The following USP32 variants were observed in gnomAD, a reference collection of about 807,000 sequenced individuals.
The protein encoded by USP32 is ubiquitin carboxyl-terminal hydrolase 32.
In USP32, 59 loss-of-function variants were observed where a neutral mutation model predicts 204.8. The ratio of observed to expected loss-of-function variants is 0.29; its 90% CI spans 0.23 to 0.36. The LOEUF is 0.36. USP32 is among the 10% of genes least tolerant of loss of function. The probability of loss-of-function intolerance (pLI) is 1.00; values close to 1 mark genes in which losing one functional copy is unlikely to be tolerated. For missense variants in USP32, 1,160 were observed against 1,946.4 expected (o/e 0.60, Z 7.60); for synonymous variants, 517 against 678.4 (o/e 0.76, Z 3.70).
intron 1 of USP32, among the ~76,000 whole-genome samples, chr17:60,407,614 C>A (rs2089986781): frequency 6.6e-6 from 1 of 151,954 alleles, no homozygotes; most frequent in East Asian, 1.9e-4. Context: ...TACAGACATT[C>A]AACAATGTGA....
chr17:60,279,036 G>A (rs1325430948), intron 5 of USP32, among the ~76,000 whole-genome samples: 3 of 152,296 alleles, frequency 2.0e-5, no homozygotes, highest in Non-Finnish European at 4.4e-5. Context: ...CAGAGGAGGA[G>A]AGGGAAGAAC....
Position 60,214,664 on chromosome 17 carries a change from G to C in USP32, c.1978C>G (p.Arg660Gly). Residue 660 changes from arginine to glycine, a missense_variant, in exon 17 of 34, where the codon CGC (arginine) becomes GGC (glycine). Around this residue, in one of 8 missense-constraint regions of USP32, gnomAD observed 132 missense variants for 432.8 expected, o/e 0.30. Coordinates refer to ENST00000300896, the MANE Select transcript of USP32 (RefSeq NM_032582.4). ...AGGCGCATATCTTCCTCTTTAATGC[G>C]CAGCCTTTGAGATAGATATTCGTGA... ...EIHEYLSQRL[R>G]IKEEDMRLWL... 1 of 1,613,668 alleles carries C rather than the reference G, an allele frequency of 6.2e-7. No individual in the cohort carries two copies. The highest frequency in any genetic ancestry group is 8.5e-7 in the Non-Finnish European group (1 of 1,179,710).
intron 1 of USP32, among the ~76,000 whole-genome samples, chr17:60,377,263 C>T (rs1400836711): frequency 6.6e-6 from 1 of 151,998 alleles, no homozygotes; most frequent in Non-Finnish European, 1.5e-5. Flanking sequence ...AGTTTGAGAC[C>T]AGCCTGGGCA....
chr17:60,410,397 G>A (rs1019143602), intron 1 of USP32, among the ~76,000 whole-genome samples: 7 of 151,346 alleles, frequency 4.6e-5, no homozygotes, highest in South Asian at 2.1e-4. Flanking sequence ...CGGTGGGCGC[G>A]GTGGCTCATG....
At chr17:60,363,105 C>T (rs1247253991) in intron 1 of USP32, among the ~76,000 whole-genome samples, 2 of 151,952 alleles carry the variant, frequency 1.3e-5, no homozygotes, top group Admixed American at 6.6e-5. Flanking sequence ...GCCTGGGCAA[C>T]ACAGTGAGAC....
rs571969720 is a variant in USP32, at chr17:60,422,178, C to T, written c.106+68G>A. The T allele has an allele frequency of 2.5e-5, 7 of 280,988 alleles. No homozygotes were observed. In the South Asian group the frequency reaches 2.6e-4, roughly 11 times the overall value. 17.4% of individuals were successfully genotyped at this position (280,988 alleles called of 1,614,324 possible). ...AAACTGTGCTTTCCTCTCGGGGAGC[C>T]CCCACCACGGCGTAACCCAGCAGGC... is the stretch of plus-strand genomic sequence containing the variant. On this transcript the variant is annotated intron_variant, in intron 1 of 3. Coordinates refer to the USP32 transcript ENST00000588898.
intron 1 of USP32, among the ~76,000 whole-genome samples, chr17:60,371,987 A>G (rs2089450931): frequency 6.6e-6 from 1 of 152,262 alleles, no homozygotes; most frequent in African/African-American, 2.4e-5. Flanking sequence ...GCATATGCTC[A>G]TAAGGTAAAC....
intron 11 of USP32, among the ~76,000 whole-genome samples, chr17:60,241,276 G>A (rs898061295): frequency 1.3e-5 from 2 of 152,102 alleles, no homozygotes; most frequent in African/African-American, 4.8e-5. Flanking sequence ...TGGGATTACA[G>A]GTGTGAGCCA....
At position 60,219,717 on chromosome 17, in the gene USP32, T is replaced by G; in HGVS notation, c.1820A>C (p.Gln607Pro). Reference sequence around the variant, plus strand: ...CTGCTGTGTCCGAGTGGCAGGCTGCTGTCTCAGGAAGAGAAGATAGCGGGG... The same window carrying G: ...CTGCTGTGTCCGAGTGGCAGGCTGCGGTCTCAGGAAGAGAAGATAGCGGGG... ...LFPRYLLFLR[Q>P]QPATRTQQSN... is the part of the protein sequence containing the mutation. The change falls in exon 16 of 34, where the codon CAG (glutamine) becomes CCG (proline). Residue 607 changes from glutamine to proline, a missense_variant. Transcript: ENST00000300896. The G allele has an allele frequency of 6.2e-7, 1 of 1,613,670 alleles. No homozygotes were observed. The highest frequency in any genetic ancestry group is 1.3e-5 in the African/African-American group (1 of 74,890).
At chr17:60,256,183 A>T (rs237964) in intron 9 of USP32, among the ~76,000 whole-genome samples, 19,280 of 151,950 alleles carry the variant, frequency 0.13, 2,547 homozygotes, top group African/African-American at 0.33. Flanking sequence ...TTGAAAAAAA[A>T]AATAATAAAA....
chr17:60,262,532 C>T (rs1308514189), intron 9 of USP32, among the ~76,000 whole-genome samples: 1 of 151,990 alleles, frequency 6.6e-6, no homozygotes, highest in Non-Finnish European at 1.5e-5. Context: ...TAAATGTGGC[C>T]CTGATTTTCA....
At chr17:60,398,012 A>C (rs965282738) in intron 1 of USP32, among the ~76,000 whole-genome samples, 1 of 150,886 alleles carries the variant, frequency 6.6e-6, no homozygotes, top group African/African-American at 2.5e-5. Flanking sequence ...AACATCTTTA[A>C]AAGTCCCAAT....
intron 2 of USP32, among the ~76,000 whole-genome samples, chr17:60,343,995 T>C (rs2088721723): frequency 6.6e-6 from 1 of 151,458 alleles, no homozygotes; most frequent in Non-Finnish European, 1.5e-5. Context: ...GACCATGCCA[T>C]TGCACTCCAG....
intron 1 of USP32, among the ~76,000 whole-genome samples, chr17:60,355,830 CAAAAAAAAAAAAAAAA>C (rs2089057660): frequency 4.4e-5 from 1 of 22,668 alleles, no homozygotes; most frequent in Non-Finnish European, 1.2e-4. Context: ...CTCACTCTCT[CAAAAAAAAAAAAAAAA>C]GAGAGAGAAA....
At chr17:60,256,034 T>C (rs1170352206) in intron 9 of USP32, among the ~76,000 whole-genome samples, 1 of 152,008 alleles carries the variant, frequency 6.6e-6, no homozygotes, top group African/African-American at 2.4e-5. Flanking sequence ...ACAACAGACA[T>C]GTGAGAGATT....
intron 2 of USP32, among the ~76,000 whole-genome samples, chr17:60,302,081 G>A (rs1003552778): frequency 4.6e-5 from 7 of 151,776 alleles, no homozygotes; most frequent in Non-Finnish European, 8.8e-5. Flanking sequence ...TAATGTAAGT[G>A]TTCTGAGCAC....
At chr17:60,376,799 G>A (rs1043766702) in intron 1 of USP32, among the ~76,000 whole-genome samples, 13 of 151,982 alleles carry the variant, frequency 8.6e-5, no homozygotes, top group African/African-American at 2.7e-4. Context: ...TGGGATTACA[G>A]GTTGAGCCAC....
chr17:60,338,933 G>A (rs996688450), intron 2 of USP32, among the ~76,000 whole-genome samples: 5 of 151,732 alleles, frequency 3.3e-5, no homozygotes, highest in South Asian at 2.1e-4. Context: ...TTTTTGAGAC[G>A]GAGTCTTGCT....
At position 60,213,665 on chromosome 17, in the gene USP32, G is replaced by T; in HGVS notation, c.2023-3C>A. The T allele has an allele frequency of 1.7e-6, 2 of 1,159,838 alleles. No individual in the cohort carries two copies. Among genetic ancestry groups the T allele is most frequent in the South Asian group, 3.2e-5 (2 of 61,540 alleles). The allele number at this position is 1,159,838 out of a possible 1,614,324, so 71.8% of individuals were successfully genotyped here. A position where few individuals can be genotyped will look rare whatever the true frequency, so the allele number is the denominator to read the frequency against. On this transcript the variant is annotated splice_polypyrimidine_tract_variant and splice_region_variant and intron_variant, in intron 17 of 33. Transcript: ENST00000300896. ...TCATCCAGAAGAGTAAGGTAGTTCT[G>T]TGTAAGGAGGAGGAAATGTTTTTGT...
Sources: allele counts gnomAD v4.1 joint callset (sites outside exome capture counted in the v4.1 genomes callset), GRCh38; gene constraint gnomAD v4.1.1; regional missense constraint gnomAD v4.1.1; transcripts MANE v1.5; gene names NCBI Gene and HGNC (gene_info 2026-07-23, HGNC 2026-07-21).